The following DOCK3 variants were observed in gnomAD, a reference collection of about 807,000 sequenced individuals.
The protein encoded by DOCK3 is dedicator of cytokinesis 3.
DOCK3 carries 60 observed loss-of-function variants against 265.6 expected under a neutral mutation model. That is an observed-to-expected ratio of 0.23 (90% CI 0.18 to 0.28). The LOEUF (loss-of-function observed/expected upper bound fraction) is 0.28. DOCK3 is among the 10% of genes least tolerant of loss of function. The probability of loss-of-function intolerance (pLI) is 1.00; values close to 1 mark genes in which losing one functional copy is unlikely to be tolerated. For synonymous variants in DOCK3, 881 were observed against 938.0 expected, an observed-to-expected ratio of 0.94 and a Z score of 1.11; for missense variants, 1,981 against 2,594.3, an observed-to-expected ratio of 0.76 and a Z score of 5.14.
chr3:51,216,260 C>T (rs898915461), intron 14 of DOCK3, among the ~76,000 whole-genome samples: 1 of 152,222 alleles, frequency 6.6e-6, no homozygotes, highest in African/African-American at 2.4e-5. Context: ...TTTTAAGTTA[C>T]ATTGTCAAAA....
intron 7 of DOCK3, among the ~76,000 whole-genome samples, chr3:51,085,662 T>C (rs556991458): frequency 9.3e-4 from 141 of 152,140 alleles, no homozygotes; most frequent in Non-Finnish European, 1.7e-3. Flanking sequence ...CTGTGAGATA[T>C]GGCAAAAGCA....
intron 6 of DOCK3, among the ~76,000 whole-genome samples, chr3:51,066,081 A>G (rs1178419533): frequency 1.3e-5 from 2 of 152,240 alleles, no homozygotes; most frequent in African/African-American, 2.4e-5. Flanking sequence ...TAAAATACTC[A>G]GAGAAGACAA....
At chr3:50,787,975 T>C in intron 2 of DOCK3, 1 of 866,022 alleles carries the variant, frequency 1.2e-6, no homozygotes, top group South Asian at 1.4e-5. Context: ...CCTCCTCCTC[T>C]TCTGTGTCAT....
chr3:50,906,456 A>G (rs1397055839), intron 4 of DOCK3, among the ~76,000 whole-genome samples: 1 of 151,958 alleles, frequency 6.6e-6, no homozygotes, highest in South Asian at 2.1e-4. Flanking sequence ...TTATTCGTCT[A>G]TTCAGGGATT....
chr3:50,835,591 C>T (rs2045459761), intron 2 of DOCK3, among the ~76,000 whole-genome samples: 1 of 152,144 alleles, frequency 6.6e-6, no homozygotes, highest in Admixed American at 6.6e-5. Context: ...TATAAATACA[C>T]AGACAGAAGA....
chr3:51,344,978 G>A (rs2085468634), intron 38 of DOCK3, among the ~76,000 whole-genome samples: 1 of 152,012 alleles, frequency 6.6e-6, no homozygotes, highest in Admixed American at 6.5e-5. Flanking sequence ...TCCCAATGGA[G>A]GAGAAGACCT....
intron 27 of DOCK3, among the ~76,000 whole-genome samples, chr3:51,285,762 G>A (rs565035452): frequency 1.8e-4 from 28 of 151,988 alleles, no homozygotes; most frequent in Non-Finnish European, 2.8e-4. Context: ...GCGAAACCCC[G>A]TCTCTACTAA....
chr3:51,349,178 G>A (rs2085799850), intron 39 of DOCK3, among the ~76,000 whole-genome samples: 1 of 152,180 alleles, frequency 6.6e-6, no homozygotes, highest in South Asian at 2.1e-4. Flanking sequence ...AGTGGCATAG[G>A]CAGGATAGGA....
chr3:51,296,902 TGA>T lies in DOCK3; in HGVS notation c.2923-13328_2923-13327del, dbSNP rs1411544658. Among the ~76,000 whole-genome samples, 4 of 151,848 alleles carry T rather than the reference TGA, an allele frequency of 2.6e-5. No individual in the cohort carries two copies. The East Asian group carries it at 5.8e-4, about 22-fold the overall frequency. ...GGGCGTCTGAGGCAGGCAGATCACC[TGA>T]GGTCAGGAGTTCGAGACCACCCTGG... On this transcript the variant is annotated intron_variant, in intron 27 of 52. Coordinates refer to ENST00000266037, the MANE Select transcript of DOCK3 (RefSeq NM_004947.5).
rs2076842485 is a variant in DOCK3 at position 50,959,938 on chromosome 3, T to C, written c.315+25861T>C. Among the ~76,000 whole-genome samples the C allele has an allele frequency of 1.3e-5, 2 of 152,180 alleles. 1 individual carries two copies. The highest frequency in any genetic ancestry group is 4.1e-4 in the South Asian group (2 of 4,830). ...AGTGATTTCATACAGTATGTTTCTT[T>C]CTGTGTCTGGCTTATTTTAGTTAGC... On this transcript the variant is annotated intron_variant, in intron 5 of 52. Coordinates refer to ENST00000266037, the MANE Select transcript of DOCK3 (RefSeq NM_004947.5).
intron 9 of DOCK3, among the ~76,000 whole-genome samples, chr3:51,142,896 T>C (rs963757828): frequency 2.0e-5 from 3 of 152,158 alleles, no homozygotes; most frequent in African/African-American, 7.2e-5. Context: ...CATTCTTCTT[T>C]TTTTTTTGAG....
intron 12 of DOCK3, among the ~76,000 whole-genome samples, chr3:51,165,024 C>T (rs1455678163): frequency 2.0e-5 from 3 of 150,912 alleles, no homozygotes; most frequent in Non-Finnish European, 2.9e-5. Flanking sequence ...CTGCAGCCTC[C>T]GCCTCCCAGA....
chr3:51,251,073 A>G (rs890640003), intron 22 of DOCK3, among the ~76,000 whole-genome samples: 6 of 151,900 alleles, frequency 3.9e-5, no homozygotes, highest in Non-Finnish European at 8.8e-5. Context: ...CCTGTGTCCA[A>G]GTGTTCTCAT....
At chr3:51,377,765 T>C (rs2088255948) in intron 51 of DOCK3, among the ~76,000 whole-genome samples, 1 of 152,216 alleles carries the variant, frequency 6.6e-6, no homozygotes, top group African/African-American at 2.4e-5. Flanking sequence ...TAAAGCCCTG[T>C]AAGCCTTCTT....
At chr3:50,915,907 T>C (rs983233811) in intron 4 of DOCK3, among the ~76,000 whole-genome samples, 1 of 151,832 alleles carries the variant, frequency 6.6e-6, no homozygotes, top group Middle Eastern at 3.2e-3. Flanking sequence ...CTTGTTTCTA[T>C]GGGGAGGGGT....
At chr3:50,920,569 G>T (rs1411655145) in intron 4 of DOCK3, among the ~76,000 whole-genome samples, 1 of 152,180 alleles carries the variant, frequency 6.6e-6, no homozygotes. Context: ...ATGGTAGTTT[G>T]TATTTCTGTG....
intron 5 of DOCK3, among the ~76,000 whole-genome samples, chr3:50,935,042 T>C (rs953691391): frequency 6.6e-6 from 1 of 152,136 alleles, no homozygotes; most frequent in East Asian, 1.9e-4. Flanking sequence ...CTCTCTCTCT[T>C]TTTTTCTCCT....
At chr3:50,809,051 A>T (rs531352723) in intron 2 of DOCK3, among the ~76,000 whole-genome samples, 29 of 152,344 alleles carry the variant, frequency 1.9e-4, no homozygotes, top group African/African-American at 7.0e-4. Flanking sequence ...GTATACAAAG[A>T]TCTTTTATAA....
At chr3:50,724,500 A>G (rs1180803334) in intron 1 of DOCK3, among the ~76,000 whole-genome samples, 1 of 152,248 alleles carries the variant, frequency 6.6e-6, no homozygotes, top group South Asian at 2.1e-4. Flanking sequence ...ACCATGCAAT[A>G]CTATGCAGCC....
Sources: allele counts gnomAD v4.1 joint callset (sites outside exome capture counted in the v4.1 genomes callset), GRCh38; gene constraint gnomAD v4.1.1; transcripts MANE v1.5; gene names NCBI Gene and HGNC (gene_info 2026-07-23, HGNC 2026-07-21).